RPGRIP1L: variants seen among roughly 807,000 people sequenced by gnomAD.
RPGRIP1L encodes RPGRIP1 like, also known as protein fantom.
A neutral mutation model predicts 160.4 loss-of-function variants in RPGRIP1L; 131 were observed. The observed-to-expected ratio is 0.82, with a 90% confidence interval of 0.71 to 0.94. The LOEUF is 0.94. Ranked by LOEUF, RPGRIP1L falls within the 40% of genes least tolerant of loss-of-function variation. The pLI is 0.00. For synonymous variants in RPGRIP1L, 510 were observed against 515.8 expected (o/e 0.99, Z 0.15); for missense variants, 1,522 against 1,535.8 (o/e 0.99, Z 0.15).
At chr16:53,675,887 T>A (rs759337423) in intron 6 of RPGRIP1L, among the ~76,000 whole-genome samples, 1 of 152,192 alleles carries the variant, frequency 6.6e-6, no homozygotes, top group Non-Finnish European at 1.5e-5. Context: ...TCAAAAGGCA[T>A]TTATTTTCTT....
In RPGRIP1L at chr16:53,638,351, CT is replaced by C; in HGVS notation, c.3018del (p.Glu1007LysfsTer2). ...ACAGTCAGCATATTAATTTCTATTT[CT>C]GGTATATGCTCTACCTCTGGTGAAA... ...KEISPEVEHI[P>X]EIEINMLTVP... On this transcript the variant is annotated frameshift_variant, in exon 20 of 27. Transcript: ENST00000647211. LOFTEE classifies it high-confidence loss of function. 6.3e-7 allele frequency: 1 copy of C among 1,597,726 alleles called. No homozygotes were observed. Among genetic ancestry groups the C allele is most frequent in the Non-Finnish European group, 8.6e-7 (1 of 1,165,648 alleles).
intron 2 of RPGRIP1L, among the ~76,000 whole-genome samples, chr16:53,697,739 T>C (rs1157654078): frequency 2.0e-5 from 3 of 152,086 alleles, no homozygotes; most frequent in African/African-American, 7.2e-5. Flanking sequence ...CCGCCTGCCT[T>C]GGCCTCCCAA....
At chr16:53,622,930 T>C (rs1964833754) in intron 22 of RPGRIP1L, among the ~76,000 whole-genome samples, 1 of 148,834 alleles carries the variant, frequency 6.7e-6, no homozygotes, top group African/African-American at 2.5e-5. Context: ...GCCTGAGAGG[T>C]TGGGGCTGTA....
intron 25 of RPGRIP1L, among the ~76,000 whole-genome samples, chr16:53,609,690 C>G (rs549541116): frequency 6.6e-6 from 1 of 152,186 alleles, no homozygotes; most frequent in African/African-American, 2.4e-5. Context: ...ATGCCATGGC[C>G]AGTGCTGTTT....
intron 22 of RPGRIP1L, among the ~76,000 whole-genome samples, chr16:53,624,554 AG>A (rs1452887045): frequency 3.9e-5 from 6 of 151,924 alleles, no homozygotes; most frequent in Non-Finnish European, 7.4e-5. Context: ...AAAAAAAAAA[AG>A]GAAATTATGT....
intron 17 of RPGRIP1L, among the ~76,000 whole-genome samples, chr16:53,644,282 A>AT (rs1292546153): frequency 6.6e-5 from 10 of 152,218 alleles, no homozygotes; most frequent in Non-Finnish European, 1.5e-4. Flanking sequence ...AGATTATTCA[A>AT]TCTGAAGAAT....
intron 9 of RPGRIP1L, among the ~76,000 whole-genome samples, chr16:53,670,594 T>A (rs543398256): frequency 6.6e-6 from 1 of 152,160 alleles, no homozygotes; most frequent in African/African-American, 2.4e-5. Context: ...ACCATAATTA[T>A]GAAGTAGATT....
intron 9 of RPGRIP1L, 103 bp downstream of exon 9, chr16:53,671,407 T>G (rs1015443274): frequency 1.3e-6 from 1 of 749,224 alleles, no homozygotes; most frequent in African/African-American, 1.7e-5. Flanking sequence ...TATCATTTGT[T>G]GCTAATTCTT....
At position 53,687,000 on chromosome 16, in the gene RPGRIP1L, T is replaced by C. The variant is rs189141960; in HGVS notation, c.633-424A>G. Among the ~76,000 whole-genome samples the C allele has an allele frequency of 1.5e-4, 23 of 152,248 alleles. 1 individual carries two copies. The highest frequency in any genetic ancestry group is 5.2e-4 in the Admixed American group (8 of 15,286). ...AAATATAACTTAGTGGTCTCTGGCA[T>C]GCATTTATCTCTATCATGTCTGGCA... On this transcript the variant is annotated intron_variant, in intron 5 of 26. Transcript: ENST00000647211.
chr16:53,653,714 T>A (rs1967000341), intron 14 of RPGRIP1L, among the ~76,000 whole-genome samples: 1 of 152,224 alleles, frequency 6.6e-6, no homozygotes, highest in Admixed American at 6.5e-5. Flanking sequence ...TCTTTTGGGA[T>A]TTCTCTTCGT....
At chr16:53,612,489 AT>A (rs56935715) in intron 24 of RPGRIP1L, among the ~76,000 whole-genome samples, 325 of 131,510 alleles carry the variant, frequency 2.5e-3, no homozygotes, top group East Asian at 5.8e-3. Context: ...TCCAAATGGG[AT>A]TTTTTTTTTT....
chr16:53,674,015 A>G (rs1968956803), intron 7 of RPGRIP1L, among the ~76,000 whole-genome samples: 1 of 152,192 alleles, frequency 6.6e-6, no homozygotes, highest in Non-Finnish European at 1.5e-5. Flanking sequence ...TAATCTTAGA[A>G]ATGGCTTTCA....
chr16:53,695,451 C>CT (rs1369756528), intron 3 of RPGRIP1L: 11 of 702,774 alleles, frequency 1.6e-5, no homozygotes, highest in Non-Finnish European at 2.9e-5. Flanking sequence ...CTCACCTTTT[C>CT]TTTGAACCTA....
At chr16:53,618,947 T>G in intron 24 of RPGRIP1L, 78 bp downstream of exon 24, 1 of 1,195,462 alleles carries the variant, frequency 8.4e-7, no homozygotes. Context: ...AAATAAACTT[T>G]CTCTCTGTTC....
At chr16:53,647,820 T>C (rs1314885864) in intron 16 of RPGRIP1L, among the ~76,000 whole-genome samples, 2 of 152,166 alleles carry the variant, frequency 1.3e-5, no homozygotes, top group South Asian at 2.1e-4. Context: ...ATTCATGTTA[T>C]ATAGACTGGC....
intron 9 of RPGRIP1L, among the ~76,000 whole-genome samples, chr16:53,666,968 G>A (rs1279789926): frequency 2.6e-5 from 4 of 152,090 alleles, no homozygotes; most frequent in Admixed American, 2.0e-4. Flanking sequence ...TGAATTTACT[G>A]TATTCCGCTA....
At chr16:53,683,987 A>G (rs913862807) in intron 6 of RPGRIP1L, among the ~76,000 whole-genome samples, 1 of 152,232 alleles carries the variant, frequency 6.6e-6, no homozygotes, top group Non-Finnish European at 1.5e-5. Context: ...AATCAACTCA[A>G]GATGGATTTA....
intron 22 of RPGRIP1L, among the ~76,000 whole-genome samples, chr16:53,623,649 G>C (rs1228333042): frequency 6.6e-6 from 1 of 152,110 alleles, no homozygotes; most frequent in Non-Finnish European, 1.5e-5. Context: ...TCTCCTTTAT[G>C]ACAGCAATAC....
chr16:53,615,470 A>ATTTTTTT (rs1436816285), intron 24 of RPGRIP1L, among the ~76,000 whole-genome samples: 26 of 85,244 alleles, frequency 3.1e-4, no homozygotes, highest in African/African-American at 1.0e-3. Flanking sequence ...ATATATATAT[A>ATTTTTTT]TATTTTTTTT....
Sources: allele counts gnomAD v4.1 joint callset (sites outside exome capture counted in the v4.1 genomes callset), GRCh38; gene constraint gnomAD v4.1.1; transcripts MANE v1.5; gene names NCBI Gene and HGNC (gene_info 2026-07-23, HGNC 2026-07-21).